The following GLRB variants were observed in gnomAD, a reference collection of about 807,000 sequenced individuals.
GLRB encodes glycine receptor subunit beta.
In GLRB, 33 loss-of-function variants were observed where a neutral mutation model predicts 54.2. The observed-to-expected ratio is 0.61, with a 90% CI of 0.46 to 0.81. The LOEUF is 0.81. Ranked by LOEUF, GLRB falls within the 40% of genes least tolerant of loss-of-function variation. The pLI is 0.00. For missense variants in GLRB, 572 were observed against 584.6 expected, an observed-to-expected ratio of 0.98 and a Z score of 0.22; for synonymous variants, 209 against 208.2, an observed-to-expected ratio of 1.00 and a Z score of -0.03.
intron 1 of GLRB, among the ~76,000 whole-genome samples, chr4:157,077,170 A>AT (rs1340466245): frequency 2.0e-5 from 3 of 152,128 alleles, no homozygotes; most frequent in African/African-American, 7.2e-5. Context: ...AGGCTTAATT[A>AT]TTTTTTATTT....
intron 2 of GLRB, among the ~76,000 whole-genome samples, chr4:157,091,705 T>TA (rs1734623848): frequency 6.6e-6 from 1 of 152,196 alleles, no homozygotes. Flanking sequence ...TCCAATCACT[T>TA]ACTTCGTTGC....
chr4:157,077,733 C>T (rs1734087623), intron 1 of GLRB, among the ~76,000 whole-genome samples: 2 of 149,788 alleles, frequency 1.3e-5, no homozygotes, highest in African/African-American at 4.9e-5. Context: ...TATACAGTAA[C>T]CTATTATATC....
In GLRB at chr4:157,104,873, TTG is replaced by T. The variant is rs1212217904; in HGVS notation, c.123-15679_123-15678del. Among the ~76,000 whole-genome samples the T allele has an allele frequency of 3.3e-5, 5 of 152,000 alleles. No individual in the cohort carries two copies. In the East Asian group the frequency reaches 9.6e-4, roughly 29 times the overall value. Reference sequence around the variant, plus strand: ...TTTCAGAGTAGTCTCTTACAATCGTTTGTGTTTCTGTGGCATCAGTTGTAATG... The same window carrying T: ...TTTCAGAGTAGTCTCTTACAATCGTTTGTTTCTGTGGCATCAGTTGTAATG... On this transcript the variant is annotated intron_variant, in intron 2 of 9. Coordinates refer to ENST00000264428, the MANE Select transcript of GLRB (RefSeq NM_000824.5).
chr4:157,118,149 G>A (rs907486291), intron 2 of GLRB, among the ~76,000 whole-genome samples: 3 of 151,584 alleles, frequency 2.0e-5, no homozygotes, highest in Non-Finnish European at 4.4e-5. Flanking sequence ...CAGCTGGAAA[G>A]TTCTAAACTA....
At position 157,152,842 on chromosome 4, in the gene GLRB, C is replaced by T. The variant is rs1362969418; in HGVS notation, c.1029C>T (p.Ser343=). The T allele has an allele frequency of 6.2e-7, 1 of 1,613,946 alleles. No homozygotes were observed. Among genetic ancestry groups the T allele is most frequent in the Admixed American group, 1.7e-5 (1 of 59,966 alleles). Reference sequence around the variant, plus strand: ...CTTGCCTTCTCTTTGGGTTTGCTTCCCTGGTGGAGTATGCAGTTGTCCAGG... The same window carrying T: ...CTTGCCTTCTCTTTGGGTTTGCTTCTCTGGTGGAGTATGCAGTTGTCCAGG... The part of the protein sequence containing the change: ...LIACLLFGFA[S]LVEYAVVQVM... The change falls in exon 9 of 10, where the codon TCC becomes TCT. Residue 343 remains serine (S), a synonymous_variant. Transcript: ENST00000264428.
chr4:157,142,768 TAG>T (rs1163750579), intron 7 of GLRB, among the ~76,000 whole-genome samples: 1 of 152,150 alleles, frequency 6.6e-6, no homozygotes, highest in Non-Finnish European at 1.5e-5. Context: ...AAAAATTATA[TAG>T]AGTTTAAACA....
intron 9 of GLRB, among the ~76,000 whole-genome samples, chr4:157,156,486 C>T (rs920351235): frequency 6.6e-5 from 10 of 152,134 alleles, no homozygotes; most frequent in African/African-American, 2.4e-4. Flanking sequence ...CATTGTTGAA[C>T]AGCAATAATC....
At chr4:157,104,795 G>T (rs1319855431) in intron 2 of GLRB, among the ~76,000 whole-genome samples, 3 of 151,892 alleles carry the variant, frequency 2.0e-5, no homozygotes, top group Non-Finnish European at 4.4e-5. Context: ...GATTGTATGT[G>T]CCAAGGATTT....
chr4:157,084,583 G>C, intron 2 of GLRB: 1 of 455,766 alleles, frequency 2.2e-6, no homozygotes, highest in Non-Finnish European at 4.4e-6. Flanking sequence ...TGATTTCTTT[G>C]TTAGTTTTTT....
chr4:157,102,559 C>T (rs1186184574), intron 2 of GLRB, among the ~76,000 whole-genome samples: 3 of 151,944 alleles, frequency 2.0e-5, no homozygotes, highest in African/African-American at 7.3e-5. Context: ...CTATTATAAA[C>T]TTAAAAATTA....
chr4:157,076,544 A>T (rs945623246), intron 1 of GLRB: 5 of 152,040 alleles, frequency 3.3e-5, no homozygotes, highest in African/African-American at 1.2e-4. Context: ...GGGTGGAGAG[A>T]TGCAGAGGGC....
At chr4:157,103,925 C>CTG (rs376968026) in intron 2 of GLRB, among the ~76,000 whole-genome samples, 1 of 150,178 alleles carries the variant, frequency 6.7e-6, no homozygotes, top group African/African-American at 2.5e-5. Flanking sequence ...TCAGTTTTAA[C>CTG]TGTGTGTGTG....
intron 2 of GLRB, among the ~76,000 whole-genome samples, chr4:157,095,323 G>A (rs1300205879): frequency 6.6e-6 from 1 of 150,974 alleles, no homozygotes; most frequent in Non-Finnish European, 1.5e-5. Flanking sequence ...AAAAAAAAAG[G>A]TTTTTATTTA....
At chr4:157,159,452 G>A (rs1737378571) in intron 9 of GLRB, among the ~76,000 whole-genome samples, 1 of 152,128 alleles carries the variant, frequency 6.6e-6, no homozygotes, top group African/African-American at 2.4e-5. Flanking sequence ...CATTGAGTAT[G>A]ATATTGGGCT....
At chr4:157,123,888 G>T (rs1322199703) in intron 4 of GLRB, among the ~76,000 whole-genome samples, 1 of 151,666 alleles carries the variant, frequency 6.6e-6, no homozygotes, top group African/African-American at 2.4e-5. Flanking sequence ...GCATGCCCCT[G>T]TGATCAGATC....
At chr4:157,165,632 A>AT (rs931832068) in intron 9 of GLRB, among the ~76,000 whole-genome samples, 6 of 151,772 alleles carry the variant, frequency 4.0e-5, no homozygotes, top group East Asian at 3.9e-4. Flanking sequence ...TGTCTGGAGG[A>AT]TTTTTTTTCC....
chr4:157,154,518 C>T (rs1737152666), intron 9 of GLRB, among the ~76,000 whole-genome samples: 1 of 145,468 alleles, frequency 6.9e-6, no homozygotes, highest in South Asian at 2.2e-4. Flanking sequence ...ACATCTGCCT[C>T]TCAGGTTCAA....
chr4:157,124,378 T>C (rs929796531), intron 4 of GLRB, among the ~76,000 whole-genome samples: 3 of 151,806 alleles, frequency 2.0e-5, no homozygotes, highest in African/African-American at 7.2e-5. Flanking sequence ...TTTAATAGCT[T>C]CTATACTGTA....
At chr4:157,132,724 T>C (rs533387451) in intron 4 of GLRB, among the ~76,000 whole-genome samples, 1 of 152,040 alleles carries the variant, frequency 6.6e-6, no homozygotes, top group East Asian at 1.9e-4. Flanking sequence ...TGGGAAGTCT[T>C]TATTAATGAA....
Sources: gnomAD v4.1 joint callset for allele counts (sites outside exome capture counted in the v4.1 genomes callset) on GRCh38, gnomAD v4.1.1 for gene constraint, MANE v1.5 for transcripts, NCBI Gene and HGNC (gene_info 2026-07-23, HGNC 2026-07-21) for gene names.